Variants in KLF8 observed in about 807,000 individuals in gnomAD.
The protein encoded by KLF8 is Krueppel-like factor 8.
In KLF8, 10 loss-of-function variants were observed where a neutral mutation model predicts 18.2. That is an observed-to-expected ratio of 0.55 (90% confidence interval 0.34 to 0.93). The LOEUF is 0.93. KLF8 is among the 40% of genes least tolerant of loss of function. The pLI is 0.02. For missense variants in KLF8, 264 were observed against 277.9 expected, an observed-to-expected ratio of 0.95 and a Z score of 0.36; for synonymous variants, 109 against 97.3, an observed-to-expected ratio of 1.12 and a Z score of -0.71.
At chrX:55,989,366 A>G in the KLF8 span, among the ~76,000 whole-genome samples, 1 of 112,199 alleles carries the variant, frequency 8.9e-6, no homozygotes, top group East Asian at 2.8e-4. Context: ...TATTATTTTG[A>G]GATAAGTCCC....
chrX:56,078,505 G>A, the KLF8 span, among the ~76,000 whole-genome samples: 1 of 111,688 alleles, frequency 9.0e-6, no homozygotes, highest in Non-Finnish European at 1.9e-5. Context: ...CTTGATCATG[G>A]TGGATAAGCT....
the KLF8 span, among the ~76,000 whole-genome samples, chrX:56,221,329 G>A: frequency 7.2e-5 from 8 of 111,707 alleles, no homozygotes; most frequent in African/African-American, 2.6e-4. Context: ...AGTGGCCAAG[G>A]ACAAATATGA....
the KLF8 span, among the ~76,000 whole-genome samples, chrX:56,084,527 A>T: frequency 8.9e-6 from 1 of 112,419 alleles, no homozygotes; most frequent in Non-Finnish European, 1.9e-5. Context: ...GGCAATTTTA[A>T]TCAAAACATA....
chrX:56,047,627 G>T, the KLF8 span, among the ~76,000 whole-genome samples: 1 of 111,016 alleles, frequency 9.0e-6, no homozygotes, highest in African/African-American at 3.3e-5. Flanking sequence ...AGTATTCCAT[G>T]GTGTATATGT....
the KLF8 span, among the ~76,000 whole-genome samples, chrX:56,218,854 G>T: frequency 6.3e-5 from 7 of 111,952 alleles, no homozygotes; most frequent in Non-Finnish European, 1.1e-4. Flanking sequence ...AATCCATTTG[G>T]TTTAGGGAAG....
chrX:56,103,261 G>T, the KLF8 span, among the ~76,000 whole-genome samples: 2 of 110,871 alleles, frequency 1.8e-5, no homozygotes, highest in Non-Finnish European at 3.8e-5. Flanking sequence ...GTCATTGGTA[G>T]CTTGATGGGG....
chrX:56,199,593 G>A, the KLF8 span, among the ~76,000 whole-genome samples: 1 of 111,866 alleles, frequency 8.9e-6, no homozygotes, highest in African/African-American at 3.2e-5. Context: ...AGATGCTGGA[G>A]AGGACGTTGA....
chrX:56,250,478 C>T (rs1331713292), intron 2 of KLF8, among the ~76,000 whole-genome samples, 174 bp downstream of exon 2: 6 of 111,444 alleles, frequency 5.4e-5, no homozygotes. Flanking sequence ...TCATAGTCAG[C>T]TGGGGAGTAG....
the KLF8 span, among the ~76,000 whole-genome samples, chrX:55,952,104 G>A: frequency 8.9e-6 from 1 of 111,800 alleles, no homozygotes; most frequent in African/African-American, 3.3e-5. Context: ...TGTCATTGTT[G>A]CAATTTTTAC....
At chrX:55,945,239 C>CT in the KLF8 span, among the ~76,000 whole-genome samples, 1 of 110,564 alleles carries the variant, frequency 9.0e-6, no homozygotes, top group African/African-American at 3.3e-5. Flanking sequence ...GTGAGGAGAG[C>CT]TTTACTTCCA....
At chrX:56,040,800 CTTTTTTTTTTTTTTTTTTTTTTTTTT>C in the KLF8 span, among the ~76,000 whole-genome samples, 2 of 6,027 alleles carry the variant, frequency 3.3e-4, no homozygotes, top group Non-Finnish European at 9.3e-4. Flanking sequence ...ATGATACCAG[CTTTTTTTTTTTTTTTTTTTTTTTTTT>C]TTTTTTTTTT....
At chrX:55,935,549 G>A in the KLF8 span, among the ~76,000 whole-genome samples, 16 of 112,217 alleles carry the variant, frequency 1.4e-4, no homozygotes, top group African/African-American at 5.2e-4. Flanking sequence ...TCAAAAAACA[G>A]AAACAACCCA....
At chrX:56,001,793 A>C in the KLF8 span, among the ~76,000 whole-genome samples, 22 of 112,029 alleles carry the variant, frequency 2.0e-4, no homozygotes, top group South Asian at 5.2e-3. Context: ...TCTACATGAA[A>C]TCTGATGAGA....
At chrX:56,159,021 G>A in the KLF8 span, among the ~76,000 whole-genome samples, 1 of 111,667 alleles carries the variant, frequency 9.0e-6, no homozygotes, top group Non-Finnish European at 1.9e-5. Flanking sequence ...TTGGATGTGG[G>A]TTTGTCATAG....
the KLF8 span, among the ~76,000 whole-genome samples, chrX:55,994,169 C>T: frequency 9.1e-6 from 1 of 110,262 alleles, no homozygotes; most frequent in Admixed American, 9.7e-5. Context: ...CTCAGCCTCC[C>T]AAAGTGCTGG....
At chrX:56,006,101 A>T in the KLF8 span, among the ~76,000 whole-genome samples, 1 of 112,155 alleles carries the variant, frequency 8.9e-6, no homozygotes, top group Non-Finnish European at 1.9e-5. Flanking sequence ...TCCTAGAGGA[A>T]TATAGCAACC....
At chrX:56,181,219 G>A in the KLF8 span, among the ~76,000 whole-genome samples, 2 of 111,143 alleles carry the variant, frequency 1.8e-5, no homozygotes, top group Non-Finnish European at 3.8e-5. Flanking sequence ...TTATGTAATG[G>A]CCTTTTTTGT....
chrX:56,179,916 A>G, the KLF8 span, among the ~76,000 whole-genome samples: 1 of 111,653 alleles, frequency 9.0e-6, no homozygotes, highest in Non-Finnish European at 1.9e-5. Context: ...GGATTTTTGC[A>G]TCAATGTTCC....
chrX:56,253,758 C>CTTTTTCTT (rs2066747093), intron 2 of KLF8, among the ~76,000 whole-genome samples: 1 of 33,583 alleles, frequency 3.0e-5, no homozygotes, highest in South Asian at 1.2e-3. Context: ...GTCTTTTTTT[C>CTTTTTCTT]TTTTTCTTTT....
Sources: allele counts gnomAD v4.1 joint callset (sites outside exome capture counted in the v4.1 genomes callset), GRCh38; gene constraint gnomAD v4.1.1; transcripts MANE v1.5; gene names NCBI Gene and HGNC (gene_info 2026-07-23, HGNC 2026-07-21).